TMC5: variants seen among roughly 807,000 people sequenced by gnomAD.
TMC5 encodes transmembrane channel-like protein 5.
Under a neutral mutation model 110.5 loss-of-function variants are expected in TMC5, and 86 were observed. That is an observed-to-expected ratio of 0.78 (90% CI 0.65 to 0.93). The LOEUF is 0.93. Ranked by LOEUF, TMC5 falls within the 40% of genes least tolerant of loss-of-function variation. TMC5 has a pLI of 0.00. For missense variants in TMC5, 1,144 were observed against 1,222.8 expected (o/e 0.94, Z 0.96); for synonymous variants, 455 against 439.5 (o/e 1.04, Z -0.44).
chr16:19,456,834 T>A (rs1411063757), intron 5 of TMC5: 4 of 1,614,052 alleles, frequency 2.5e-6, no homozygotes, highest in Non-Finnish European at 3.4e-6. Flanking sequence ...AGCATCAACA[T>A]GGTTTTGTCA....
chr16:19,480,095 A>C (rs749179369), intron 14 of TMC5, among the ~76,000 whole-genome samples: 2 of 152,226 alleles, frequency 1.3e-5, no homozygotes, highest in African/African-American at 2.4e-5. Context: ...ATAATGCTAT[A>C]TAATTTTCAA....
intron 14 of TMC5, 128 bp from the exon 15 acceptor site, chr16:19,481,242 T>G (rs908994014): frequency 5.8e-6 from 4 of 695,468 alleles, no homozygotes; most frequent in Non-Finnish European, 2.5e-6. Flanking sequence ...TTTTGAAAAA[T>G]TTTCAAGGGA....
intron 5 of TMC5, among the ~76,000 whole-genome samples, chr16:19,453,722 C>A (rs1253888644): frequency 6.6e-6 from 1 of 152,148 alleles, no homozygotes; most frequent in Non-Finnish European, 1.5e-5. Context: ...GAGCCAAGAT[C>A]ACCCTACTGC....
At chr16:19,472,701 C>G (rs1968374381) in intron 11 of TMC5, among the ~76,000 whole-genome samples, 1 of 152,050 alleles carries the variant, frequency 6.6e-6, no homozygotes, top group Admixed American at 6.6e-5. Flanking sequence ...GATCATCTCT[C>G]CATTGTACAG....
chr16:19,485,257 G>A lies in TMC5; in HGVS notation c.2364-1688G>A, dbSNP rs531461617. On this transcript the variant is annotated intron_variant, in intron 15 of 21. Coordinates refer to ENST00000542583, the MANE Select transcript of TMC5 (RefSeq NM_001261841.2). ...TCTTCTCAAAAAACCCTGTGAGTAG[G>A]TACTAGTACGTCCACCATTTAAAGA... Among the ~76,000 whole-genome samples, 7 of 152,010 alleles carry A rather than the reference G, an allele frequency of 4.6e-5. No individual in the cohort carries two copies. The South Asian group carries it at 6.2e-4, about 14-fold the overall frequency.
chr16:19,417,468 G>C (rs990108384), upstream of TMC5, among the ~76,000 whole-genome samples: 6 of 150,146 alleles, frequency 4.0e-5, no homozygotes, highest in Admixed American at 3.3e-4. Context: ...GTGTCTAGTG[G>C]AGCATCACGT....
At position 19,444,144 on chromosome 16, in the gene TMC5, C is replaced by A; in HGVS notation, c.852C>A (p.Gly284=). 1 of 1,614,092 alleles carries A rather than the reference C, an allele frequency of 6.2e-7. No homozygotes were observed. The highest frequency in any genetic ancestry group is 1.7e-4 in the Middle Eastern group (1 of 6,050). The change falls in exon 4 of 22, where the codon GGC becomes GGA. Residue 284 remains glycine (G), a synonymous_variant. Coordinates refer to ENST00000542583, the MANE Select transcript of TMC5 (RefSeq NM_001261841.2). The part of the protein sequence containing the change: ...SFRHRSDDPV[G]SLWGENDYPE... ...GTCACAGGAGTGATGACCCCGTGGG[C>A]AGTCTTTGGGGAGAGAATGATTACC...
chr16:19,456,510 A>G, intron 5 of TMC5: 1 of 1,326,048 alleles, frequency 7.5e-7, no homozygotes, highest in Middle Eastern at 2.9e-4. Flanking sequence ...GGTTAGATGC[A>G]GGGAGTTATG....
intron 2 of TMC5, among the ~76,000 whole-genome samples, chr16:19,431,253 C>T (rs557900232): frequency 6.1e-4 from 92 of 152,036 alleles, no homozygotes; most frequent in African/African-American, 2.1e-3. Flanking sequence ...GAAGATAAAA[C>T]GTGGGGGCCG....
At chr16:19,485,349 A>G in intron 15 of TMC5, among the ~76,000 whole-genome samples, 1 of 152,164 alleles carries the variant, frequency 6.6e-6, no homozygotes, top group Admixed American at 6.6e-5. Flanking sequence ...GAAATAATGC[A>G]GAAGAAAGGC....
At chr16:19,458,175 G>A (rs1388613445) in intron 5 of TMC5, among the ~76,000 whole-genome samples, 1 of 152,014 alleles carries the variant, frequency 6.6e-6, no homozygotes, top group Admixed American at 6.6e-5. Flanking sequence ...CTGCTCCTGA[G>A]GCCAATGGAG....
intron 5 of TMC5, among the ~76,000 whole-genome samples, chr16:19,452,805 G>A (rs1363375222): frequency 1.3e-5 from 2 of 151,978 alleles, no homozygotes; most frequent in African/African-American, 2.4e-5. Flanking sequence ...CTGAAATGAG[G>A]GAGAATTTCT....
intron 5 of TMC5, among the ~76,000 whole-genome samples, chr16:19,454,060 G>C (rs1358936380): frequency 1.3e-5 from 2 of 151,912 alleles, no homozygotes; most frequent in Non-Finnish European, 2.9e-5. Flanking sequence ...TTTTGTTGTT[G>C]TTTTTGAGGC....
At position 19,448,715 on chromosome 16, in the gene TMC5, ATATT is replaced by A. The variant is rs917000011; in HGVS notation, c.959-821_959-818del. Among the ~76,000 whole-genome samples the A allele has an allele frequency of 1.1e-3, 155 of 145,196 alleles. 1 individual carries two copies. Among genetic ancestry groups the A allele is most frequent in the African/African-American group, 3.7e-3 (146 of 39,636 alleles). On this transcript the variant is annotated intron_variant, in intron 4 of 21. Coordinates refer to ENST00000542583, the MANE Select transcript of TMC5 (RefSeq NM_001261841.2). ...GATAATATATATATTTTAATATATT[ATATT>A]TATTTTTATATTATATAACATATAA...
chr16:19,427,267 A>G (rs993813885), intron 1 of TMC5, among the ~76,000 whole-genome samples: 3 of 152,208 alleles, frequency 2.0e-5, no homozygotes, highest in African/African-American at 7.2e-5. Flanking sequence ...CAGCCTGGGC[A>G]ACATGGTGAA....
At chr16:19,454,230 TAGAC>T (rs1329794299) in intron 5 of TMC5, among the ~76,000 whole-genome samples, 1 of 152,030 alleles carries the variant, frequency 6.6e-6, no homozygotes, top group Non-Finnish European at 1.5e-5. Flanking sequence ...GTATTTTCAG[TAGAC>T]AGAGTTTCAC....
intron 9 of TMC5, among the ~76,000 whole-genome samples, chr16:19,466,766 G>A (rs1159801659): frequency 2.0e-5 from 3 of 152,172 alleles, no homozygotes; most frequent in Admixed American, 1.3e-4. Context: ...TGGTCAGCCT[G>A]ATAATAAGGG....
At chr16:19,443,057 G>C (rs1314392014) in intron 3 of TMC5, among the ~76,000 whole-genome samples, 1 of 152,152 alleles carries the variant, frequency 6.6e-6, no homozygotes, top group Admixed American at 6.5e-5. Context: ...CCAAAGACCA[G>C]CCTGACTGAT....
At chr16:19,469,485 G>A (rs1713507391) in intron 9 of TMC5, among the ~76,000 whole-genome samples, 196 bp from the exon 10 acceptor site, 1 of 152,166 alleles carries the variant, frequency 6.6e-6, no homozygotes, top group Non-Finnish European at 1.5e-5. Flanking sequence ...AGGGTTGCAA[G>A]CCAGGCCTGT....
Sources: gnomAD v4.1 joint callset for allele counts (sites outside exome capture counted in the v4.1 genomes callset) on GRCh38, gnomAD v4.1.1 for gene constraint, MANE v1.5 for transcripts, NCBI Gene and HGNC (gene_info 2026-07-23, HGNC 2026-07-21) for gene names.